Variants in TBCE observed in about 807,000 individuals in gnomAD.
TBCE encodes the protein tubulin-specific chaperone E.
In TBCE, 53 loss-of-function variants were observed where a neutral mutation model predicts 77.0. The observed-to-expected ratio is 0.69, with a 90% CI of 0.55 to 0.87. The LOEUF is 0.87. TBCE is among the 40% of genes least tolerant of loss of function. The probability of loss-of-function intolerance (pLI) is 0.00; values close to 1 mark genes in which losing one functional copy is unlikely to be tolerated. For missense variants in TBCE, 624 were observed against 622.4 expected, an observed-to-expected ratio of 1.00 and a Z score of -0.03; for synonymous variants, 235 against 241.3, an observed-to-expected ratio of 0.97 and a Z score of 0.24.
intron 15 of TBCE, 174 bp downstream of exon 15, chr1:235,443,085 A>C: frequency 3.0e-6 from 2 of 667,072 alleles, no homozygotes; most frequent in Non-Finnish European, 5.1e-6. Flanking sequence ...TCACTCCCCC[A>C]TGCCCCCAAA....
chr1:235,389,601 GA>G, intron 2 of TBCE, among the ~76,000 whole-genome samples: 1 of 152,132 alleles, frequency 6.6e-6, no homozygotes, highest in Non-Finnish European at 1.5e-5. Flanking sequence ...AAAGTGCTGG[GA>G]TTACAGGTGT....
chr1:235,368,552 CTTTTTTT>C (rs757168655), intron 1 of TBCE, among the ~76,000 whole-genome samples: 6 of 49,770 alleles, frequency 1.2e-4, no homozygotes, highest in Admixed American at 3.4e-4. Context: ...GGACAGCCTG[CTTTTTTT>C]TTTTTTTTTT....
At position 235,451,810 on chromosome 1, in the gene TBCE, A is replaced by G. The variant is rs1558405952; in HGVS notation, c.*3048A>G. 3 of 152,170 alleles carry G rather than the reference A, an allele frequency of 2.0e-5. No homozygotes were observed. Among genetic ancestry groups the G allele is most frequent in the African/African-American group, 4.8e-5 (2 of 41,440 alleles). The allele number at this position is 152,170 out of a possible 1,614,324, so 9.4% of individuals were successfully genotyped here. On this transcript the variant is annotated 3_prime_UTR_variant, in exon 17 of 17. Transcript: ENST00000642610. ...GAAGCTGCAAGAATCCAGAACAGAA[A>G]TCTCTGAAGCTAAAGCCAGCTTTGT...
At chr1:235,386,468 TC>T (rs1678011923) in intron 2 of TBCE, among the ~76,000 whole-genome samples, 1 of 152,210 alleles carries the variant, frequency 6.6e-6, no homozygotes, top group Non-Finnish European at 1.5e-5. Flanking sequence ...TTTCACATAG[TC>T]CCATATTTCT....
chr1:235,383,925 T>C (rs1321081611), intron 2 of TBCE, among the ~76,000 whole-genome samples: 1 of 152,152 alleles, frequency 6.6e-6, no homozygotes, highest in African/African-American at 2.4e-5. Context: ...CCAGTTTTTG[T>C]CCATTCAGTA....
intron 3 of TBCE, among the ~76,000 whole-genome samples, chr1:235,407,320 G>A (rs186081338): frequency 3.4e-5 from 5 of 148,684 alleles, no homozygotes; most frequent in East Asian, 2.0e-4. Flanking sequence ...TCCTGGGCTT[G>A]AGTGATCCTC....
Position 235,436,547 on chromosome 1 carries a change from G to A in TBCE, c.902G>A (p.Cys301Tyr), listed in dbSNP as rs770960177. ...AACTTCATTCCTCTTTTTATAGGGT[G>A]CAAAACGTCCATGTTCCCATCCTTG... ...SLHFPDAGIGCKTSMFPSLKY... is the reference protein window; with the variant it reads ...SLHFPDAGIGYKTSMFPSLKY... Residue 301 changes from cysteine to tyrosine, a missense_variant, in exon 11 of 17, where the codon TGC becomes TAC. Physicochemically the swap from Cys to Tyr is radical, Grantham distance 194. Transcript: ENST00000642610. 5.0e-6 allele frequency: 8 copies of A among 1,613,714 alleles called. No homozygotes were observed. The South Asian group carries it at 7.7e-5, about 16-fold the overall frequency.
chr1:235,412,727 A>C (rs564743469), intron 3 of TBCE, among the ~76,000 whole-genome samples: 1 of 152,212 alleles, frequency 6.6e-6, no homozygotes, highest in Non-Finnish European at 1.5e-5. Context: ...GTGAACCCAC[A>C]TCTTAGAGAA....
chr1:235,442,929 GTCTT>G lies in TBCE; in HGVS notation c.1399+20_1399+23del. The G allele has an allele frequency of 6.2e-7, 1 of 1,613,802 alleles. No individual in the cohort carries two copies. Among genetic ancestry groups the G allele is most frequent in the Non-Finnish European group, 8.5e-7 (1 of 1,179,746 alleles). ...ACTGCCGGGTAAGAAGAACCAGCCT[GTCTT>G]TTCCTTAAACTCTGAATCATCGGCC... On this transcript the variant is annotated intron_variant, in intron 15 of 16. Coordinates refer to ENST00000642610, the MANE Select transcript of TBCE (RefSeq NM_003193.5).
In TBCE at chr1:235,449,133, A is replaced by AT; in HGVS notation, c.*375dup. The AT allele has an allele frequency of 3.6e-6, 1 of 275,662 alleles. No homozygotes were observed. Among genetic ancestry groups the AT allele is most frequent in the South Asian group, 3.9e-5 (1 of 25,930 alleles). The allele number at this position is 275,662 out of a possible 1,614,324, so 17.1% of individuals were successfully genotyped here. A position where few individuals can be genotyped will look rare whatever the true frequency, so the allele number is the denominator to read the frequency against. ...AATGGAATTCTCTATTGAAACTACT[A>AT]TTTTAAAGGGTTACTAGAAATGATT... On this transcript the variant is annotated 3_prime_UTR_variant, in exon 17 of 17. Coordinates refer to ENST00000642610, the MANE Select transcript of TBCE (RefSeq NM_003193.5).
At chr1:235,394,418 CTTTTTT>C (rs386370043) in intron 2 of TBCE, among the ~76,000 whole-genome samples, 8 of 72,316 alleles carry the variant, frequency 1.1e-4, no homozygotes, top group South Asian at 1.3e-3. Context: ...TTGATAATTT[CTTTTTT>C]TTTTTTTTTT....
chr1:235,433,849 G>A (rs1256195611), intron 7 of TBCE: 1 of 247,520 alleles, frequency 4.0e-6, no homozygotes, highest in Admixed American at 5.0e-5. Context: ...GGAAAGGTGT[G>A]TAACATCAAT....
intron 6 of TBCE, 144 bp downstream of exon 6, chr1:235,427,383 CA>C: frequency 1.4e-6 from 1 of 711,210 alleles, no homozygotes; most frequent in Non-Finnish European, 2.5e-6. Context: ...AGGAATTACT[CA>C]GGCTGATAGT....
In TBCE at chr1:235,380,020, T is replaced by G; in HGVS notation, c.-30T>G. On this transcript the variant is annotated splice_region_variant and 5_prime_UTR_variant, in exon 2 of 17. Coordinates refer to ENST00000642610, the MANE Select transcript of TBCE (RefSeq NM_003193.5). Reference sequence around the variant, plus strand: ...TCAGTGTTGTATTTTTCTTCCTAGATCTCATATTTTGGATTCTGGATATAT... The same window carrying G: ...TCAGTGTTGTATTTTTCTTCCTAGAGCTCATATTTTGGATTCTGGATATAT... The G allele has an allele frequency of 6.4e-7, 1 of 1,553,848 alleles. No homozygotes were observed. The highest frequency in any genetic ancestry group is 8.9e-7 in the Non-Finnish European group (1 of 1,125,582).
intron 3 of TBCE, 99 bp from the exon 4 acceptor site, chr1:235,414,334 T>C (rs1679987162): frequency 8.7e-7 from 1 of 1,154,792 alleles, no homozygotes; most frequent in Non-Finnish European, 1.3e-6. Context: ...ATTTTGATTT[T>C]TTAGCATGTA....
intron 2 of TBCE, among the ~76,000 whole-genome samples, chr1:235,383,241 A>G (rs1243163532): frequency 6.6e-6 from 1 of 151,616 alleles, no homozygotes; most frequent in African/African-American, 2.4e-5. Context: ...GTTTGAAGTC[A>G]GGTAGTGTGA....
intron 1 of TBCE, among the ~76,000 whole-genome samples, chr1:235,369,803 G>A (rs1294780575): frequency 2.7e-5 from 4 of 150,676 alleles, no homozygotes; most frequent in Non-Finnish European, 5.9e-5. Flanking sequence ...TTGCACTCCA[G>A]TCTGGGCAAC....
intron 1 of TBCE, among the ~76,000 whole-genome samples, chr1:235,377,501 T>C (rs4659821): frequency 0.081 from 12,382 of 152,054 alleles, 1,309 homozygotes; most frequent in East Asian, 0.5. Context: ...TTTTACAAAA[T>C]ATTTGAGGAG....
At chr1:235,436,692 A>G (rs1469516940) in intron 11 of TBCE, 84 bp downstream of exon 11, 1 of 1,323,732 alleles carries the variant, frequency 7.6e-7, no homozygotes, top group Non-Finnish European at 1.1e-6. Flanking sequence ...TCTACCAAAA[A>G]AGTAAAAAGA....
Sources: gnomAD v4.1 joint callset for allele counts (sites outside exome capture counted in the v4.1 genomes callset) on GRCh38, gnomAD v4.1.1 for gene constraint, MANE v1.5 for transcripts, NCBI Gene and HGNC (gene_info 2026-07-23, HGNC 2026-07-21) for gene names.